SAMHD1: variants seen among roughly 807,000 people sequenced by gnomAD.
SAMHD1 encodes the protein deoxynucleoside triphosphate triphosphohydrolase SAMHD1.
Under a neutral mutation model 79.6 loss-of-function variants are expected in SAMHD1, and 54 were observed. That is an observed-to-expected ratio of 0.68 (90% confidence interval 0.55 to 0.85). SAMHD1 has a LOEUF of 0.85. Among genes scored for constraint, SAMHD1 ranks in the 40% least tolerant of loss-of-function variants. The pLI is 0.00. For missense variants in SAMHD1, 663 were observed against 782.7 expected (o/e 0.85, Z 1.82); for synonymous variants, 260 against 264.1 (o/e 0.98, Z 0.15).
intron 2 of SAMHD1, among the ~76,000 whole-genome samples, chr20:36,943,179 A>C (rs1373304306): frequency 1.3e-5 from 2 of 152,152 alleles, no homozygotes; most frequent in East Asian, 3.8e-4. Flanking sequence ...TCCATTAACA[A>C]GTTGATTGCA....
chr20:36,933,414 C>A (rs567723658), intron 4 of SAMHD1, among the ~76,000 whole-genome samples: 44 of 152,224 alleles, frequency 2.9e-4, no homozygotes, highest in African/African-American at 1.1e-3. Flanking sequence ...AACTCTGTAC[C>A]AGAGTAAATA....
At chr20:36,939,824 G>A (rs1323033123) in intron 3 of SAMHD1, among the ~76,000 whole-genome samples, 3 of 152,104 alleles carry the variant, frequency 2.0e-5, no homozygotes, top group African/African-American at 7.2e-5. Context: ...TGTCAAAAGA[G>A]TAAATAAGGT....
rs780617865 is a variant in SAMHD1, at chr20:36,951,627, G to A, written c.17C>T (p.Ser6Phe). ...ACGGGGACGCTTGGAGGGCTGCTCGGAATCGGCTCGCTGCATGGCTACACC... is the reference window on the plus strand; with the variant it reads ...ACGGGGACGCTTGGAGGGCTGCTCGAAATCGGCTCGCTGCATGGCTACACC... MQRAD[S>F]EQPSKRPRCD... Residue 6 changes from serine to phenylalanine, a missense_variant, in exon 1 of 16, where the codon TCC becomes TTC. By Grantham distance (155) the Ser-to-Phe change is radical (BLOSUM62 -2). Coordinates refer to ENST00000646673, the MANE Select transcript of SAMHD1 (RefSeq NM_015474.4). The A allele has an allele frequency of 1.1e-5, 17 of 1,613,690 alleles. No individual in the cohort carries two copies. The highest frequency in any genetic ancestry group is 6.7e-5 in the Admixed American group (4 of 60,012).
In SAMHD1 at chr20:36,892,988, G is replaced by A. The variant is rs1468297497; in HGVS notation, c.1825C>T (p.Arg609Cys). The A allele has an allele frequency of 1.7e-5, 27 of 1,613,916 alleles. No individual in the cohort carries two copies. Among genetic ancestry groups the A allele is most frequent in the Middle Eastern group, 1.6e-4 (1 of 6,084 alleles). ...CTGCTTTTGGATGCTTCTCGGAGGC[G>A]AGTTGGATTTTGGACTGAAGTACTG... ...NDSTSVQNPT[R>C]LREASKSRVQ... is the part of the protein sequence containing the mutation. Residue 609 changes from arginine to cysteine, a missense_variant, in exon 16 of 16, where the codon CGC (arginine) becomes TGC (cysteine). By Grantham distance (180) the Arg-to-Cys change is radical. Transcript: ENST00000646673.
chr20:36,920,467 CA>C (rs1366347223), intron 6 of SAMHD1, among the ~76,000 whole-genome samples: 1 of 152,156 alleles, frequency 6.6e-6, no homozygotes, highest in Non-Finnish European at 1.5e-5. Context: ...TTCTTAAAAA[CA>C]GAATCAGGGC....
intron 1 of SAMHD1, among the ~76,000 whole-genome samples, chr20:36,947,256 T>C (rs892959079): frequency 2.6e-5 from 4 of 152,058 alleles, no homozygotes; most frequent in Non-Finnish European, 2.9e-5. Context: ...GTGCTTAAAG[T>C]GTTGATTTTT....
intron 4 of SAMHD1, 190 bp downstream of exon 4, chr20:36,934,839 G>A (rs1281240144): frequency 9.4e-6 from 5 of 533,108 alleles, no homozygotes; most frequent in African/African-American, 3.8e-5. Flanking sequence ...TGTATTTGTA[G>A]TAAAGATGGG....
intron 13 of SAMHD1, among the ~76,000 whole-genome samples, chr20:36,900,368 C>T (rs754692775): frequency 3.2e-5 from 3 of 93,056 alleles, no homozygotes; most frequent in African/African-American, 1.5e-4. Context: ...GCCTCAGCCT[C>T]CTAAGTAGCT....
At chr20:36,907,962 G>A (rs2063414726) in intron 11 of SAMHD1, among the ~76,000 whole-genome samples, 1 of 151,790 alleles carries the variant, frequency 6.6e-6, no homozygotes, top group Non-Finnish European at 1.5e-5. Context: ...TGCAGCCTCC[G>A]CCTCCTGGGT....
intron 7 of SAMHD1, among the ~76,000 whole-genome samples, chr20:36,918,807 A>C (rs1234834885): frequency 6.7e-6 from 1 of 148,954 alleles, no homozygotes; most frequent in African/African-American, 2.5e-5. Flanking sequence ...ATCTCAAAAA[A>C]AAAAAAAAAA....
At chr20:36,896,215 G>A (rs1990195556) in intron 15 of SAMHD1, among the ~76,000 whole-genome samples, 2 of 151,620 alleles carry the variant, frequency 1.3e-5, no homozygotes, top group South Asian at 2.1e-4. Context: ...CTCGTGATCC[G>A]CCCACCTCGG....
rs145735112 is a variant in SAMHD1 at position 36,898,455 on chromosome 20, C to G, written c.1593G>C (p.Arg531Ser). The change falls in exon 14 of 16, where the codon AGG (arginine) becomes AGC (serine). Residue 531 changes from arginine to serine, a missense_variant. Coordinates refer to ENST00000646673, the MANE Select transcript of SAMHD1 (RefSeq NM_015474.4). ...YCKTAPNRAI[R>S]ITKNQVSQLL... The stretch of plus-strand genomic sequence containing the variant: ...AAGTAGTTACCTGGTTTTTAGTAAT[C>G]CTGATTGCTCTGTTGGGGGCAGTCT... 5.9e-4 allele frequency: 950 copies of G among 1,613,054 alleles called. No homozygotes were observed. The highest frequency in any genetic ancestry group is 7.4e-4 in the Non-Finnish European group (876 of 1,179,254).
At chr20:36,931,754 T>A (rs1224150999) in intron 4 of SAMHD1, among the ~76,000 whole-genome samples, 1 of 151,456 alleles carries the variant, frequency 6.6e-6, no homozygotes, top group Non-Finnish European at 1.5e-5. Context: ...AATGAATGTA[T>A]AAACAAAATG....
intron 11 of SAMHD1, among the ~76,000 whole-genome samples, chr20:36,906,462 G>A (rs542464049): frequency 1.9e-4 from 29 of 152,136 alleles, no homozygotes; most frequent in African/African-American, 7.0e-4. Context: ...AAAAGAGAAC[G>A]GTCCTGAAGT....
At chr20:36,939,997 G>C (rs2063631168) in intron 3 of SAMHD1, among the ~76,000 whole-genome samples, 2 of 152,144 alleles carry the variant, frequency 1.3e-5, no homozygotes, top group African/African-American at 4.8e-5. Context: ...TTGAGGTCAG[G>C]AGTTTGACAC....
intron 14 of SAMHD1, among the ~76,000 whole-genome samples, 170 bp downstream of exon 14, chr20:36,898,270 G>A (rs1990235321): frequency 6.6e-6 from 1 of 152,064 alleles, no homozygotes; most frequent in Admixed American, 6.6e-5. Context: ...TCAAGTGATC[G>A]TCCTGCTTCA....
At chr20:36,927,343 G>A (rs1488580337) in intron 5 of SAMHD1, 91 bp from the exon 6 acceptor site, 3 of 1,041,422 alleles carry the variant, frequency 2.9e-6, no homozygotes, top group Non-Finnish European at 4.3e-6. Context: ...TTGAGACGGA[G>A]TTTCGCTCTT....
In SAMHD1 at chr20:36,949,709, A is replaced by G. The variant is rs191586354; in HGVS notation, c.208+1727T>C. ...CAGTTAGAGGTTGCACTGGGCCGAGATGGCGCCACTGCACTCCAGCCTGGC... is the reference window on the plus strand; with the variant it reads ...CAGTTAGAGGTTGCACTGGGCCGAGGTGGCGCCACTGCACTCCAGCCTGGC... On this transcript the variant is annotated intron_variant, in intron 1 of 15. Transcript: ENST00000646673. Among the ~76,000 whole-genome samples the G allele has an allele frequency of 7.3e-3, 1,010 of 138,298 alleles. 12 individuals carry two copies. The highest frequency in any genetic ancestry group is 0.026 in the African/African-American group (969 of 37,756). The allele number at this position is 138,298 out of a possible 152,430, so 90.7% of individuals were successfully genotyped here. A position where few individuals can be genotyped will look rare whatever the true frequency, so the allele number is the denominator to read the frequency against.
intron 6 of SAMHD1, among the ~76,000 whole-genome samples, chr20:36,923,377 A>AC (rs1200568223): frequency 6.6e-6 from 1 of 152,114 alleles, no homozygotes; most frequent in Non-Finnish European, 1.5e-5. Flanking sequence ...AGCTTAGATG[A>AC]CATCACTGAG....
Sources: allele counts gnomAD v4.1 joint callset (sites outside exome capture counted in the v4.1 genomes callset), GRCh38; gene constraint gnomAD v4.1.1; transcripts MANE v1.5; gene names NCBI Gene and HGNC (gene_info 2026-07-23, HGNC 2026-07-21).